ATP10B: variants seen among roughly 807,000 people sequenced by gnomAD.
ATP10B encodes ATPase phospholipid transporting 10B (putative), also known as phospholipid-transporting ATPase VB.
A neutral mutation model predicts 141.2 loss-of-function variants in ATP10B; 122 were observed. The observed-to-expected ratio is 0.86, with a 90% CI of 0.75 to 1.00. ATP10B has a LOEUF of 1.00. ATP10B is among the 50% of genes least tolerant of loss of function. The probability of loss-of-function intolerance (pLI) is 0.00; values close to 1 mark genes in which losing one functional copy is unlikely to be tolerated. For synonymous variants in ATP10B, 685 were observed against 692.0 expected, an observed-to-expected ratio of 0.99 and a Z score of 0.16; for missense variants, 1,876 against 1,825.3, an observed-to-expected ratio of 1.03 and a Z score of -0.51.
chr5:160,573,300 C>T (rs1199750550), intron 24 of ATP10B, among the ~76,000 whole-genome samples: 2 of 152,230 alleles, frequency 1.3e-5, no homozygotes, highest in African/African-American at 4.8e-5. Flanking sequence ...GCTGAATCAG[C>T]TGCTGCACTG....
intron 23 of ATP10B, among the ~76,000 whole-genome samples, chr5:160,590,593 C>A (rs115790212): frequency 6.6e-6 from 1 of 152,178 alleles, no homozygotes; most frequent in Non-Finnish European, 1.5e-5. Context: ...ATCTCATTAT[C>A]GGAACTTGCT....
rs560931001 is a variant in ATP10B, at chr5:160,840,211, T to C, written c.-576+11730A>G. On this transcript the variant is annotated intron_variant, in intron 1 of 25. Transcript: ENST00000327245. ...ATTTATAGATTCACCCAAGAAAATA[T>C]TGACAAGCTTTCTTGTCAAGTTAGA... Among the ~76,000 whole-genome samples the C allele has an allele frequency of 3.9e-5, 6 of 152,122 alleles. No individual in the cohort carries two copies. In the East Asian group the frequency reaches 1.2e-3, roughly 29 times the overall value.
chr5:160,854,019 T>G (rs1321661976), upstream of ATP10B, among the ~76,000 whole-genome samples: 1 of 152,160 alleles, frequency 6.6e-6, no homozygotes, highest in East Asian at 1.9e-4. Context: ...CAGTGTGTCA[T>G]GTCTAGCTTT....
Position 160,606,895 on chromosome 5 carries a change from C to T in ATP10B, c.3030G>A (p.Lys1010=). The T allele has an allele frequency of 1.2e-6, 2 of 1,614,174 alleles. No homozygotes were observed. Among genetic ancestry groups the T allele is most frequent in the Non-Finnish European group, 1.7e-6 (2 of 1,180,020 alleles). ...GKTLNAIFQG[K]LEKKFLELTQ... ...TCAATTCCAGAAACTTCTTCTCTAG[C>T]TTTCCCTGGAAGATGGCATTCAATG... The change falls in exon 19 of 26, where the codon AAG becomes AAA. Residue 1010 remains lysine, a synonymous_variant. Coordinates refer to ENST00000327245, the MANE Select transcript of ATP10B (RefSeq NM_025153.3).
intron 2 of ATP10B, among the ~76,000 whole-genome samples, chr5:160,733,686 C>T (rs954882235): frequency 3.7e-5 from 3 of 81,382 alleles, no homozygotes; most frequent in African/African-American, 1.4e-4. Context: ...TATATATACA[C>T]ACACACATAT....
chr5:160,608,085 C>T (rs773738742), intron 18 of ATP10B, among the ~76,000 whole-genome samples: 2 of 152,150 alleles, frequency 1.3e-5, no homozygotes, highest in East Asian at 3.9e-4. Flanking sequence ...TCCATCCCCC[C>T]ACCCCACGAC....
intron 7 of ATP10B, 80 bp downstream of exon 7, chr5:160,670,382 AG>A: frequency 7.2e-7 from 1 of 1,379,890 alleles, no homozygotes; most frequent in Non-Finnish European, 1.0e-6. Context: ...TCTACCCAGT[AG>A]GTTTAGTTCA....
intron 22 of ATP10B, among the ~76,000 whole-genome samples, chr5:160,596,981 T>C (rs1756740977): frequency 6.6e-6 from 1 of 152,160 alleles, no homozygotes; most frequent in Non-Finnish European, 1.5e-5. Context: ...AGGTAATTTA[T>C]AGATTCAATG....
chr5:160,568,558 T>A (rs1452495116), intron 25 of ATP10B, among the ~76,000 whole-genome samples: 1 of 152,188 alleles, frequency 6.6e-6, no homozygotes, highest in Non-Finnish European at 1.5e-5. Flanking sequence ...CATCATCAAG[T>A]TCACTGCTCT....
At chr5:160,857,975 AC>A in the ATP10B span, among the ~76,000 whole-genome samples, 2 of 151,822 alleles carry the variant, frequency 1.3e-5, no homozygotes, top group African/African-American at 4.8e-5. Context: ...TGAATATTCT[AC>A]TTTTCTTGGG....
intron 2 of ATP10B, among the ~76,000 whole-genome samples, chr5:160,756,717 T>C (rs540115385): frequency 4.6e-5 from 7 of 152,180 alleles, no homozygotes; most frequent in African/African-American, 1.7e-4. Context: ...TGTGGGTACA[T>C]AGTAGGTATA....
chr5:160,683,183 G>T (rs1198314539), intron 6 of ATP10B, among the ~76,000 whole-genome samples: 2 of 152,008 alleles, frequency 1.3e-5, no homozygotes, highest in Admixed American at 1.3e-4. Flanking sequence ...ATATTCAAAG[G>T]CGAGGAACGA....
chr5:160,651,257 A>G (rs1285606201), intron 7 of ATP10B, among the ~76,000 whole-genome samples: 1 of 151,718 alleles, frequency 6.6e-6, no homozygotes, highest in East Asian at 1.9e-4. Flanking sequence ...CAGACCCTCT[A>G]CTCCTTACTT....
the ATP10B span, among the ~76,000 whole-genome samples, chr5:160,872,349 T>C: frequency 6.6e-6 from 1 of 152,240 alleles, no homozygotes; most frequent in South Asian, 2.1e-4. Context: ...CTGCTGACTG[T>C]TCCTTTTGCC....
At chr5:160,758,896 A>G (rs1399611400) in intron 2 of ATP10B, among the ~76,000 whole-genome samples, 1 of 152,224 alleles carries the variant, frequency 6.6e-6, no homozygotes, top group East Asian at 1.9e-4. Flanking sequence ...ACAGCTATCA[A>G]TAATGTAACA....
At chr5:160,843,573 A>C (rs192835217) in intron 1 of ATP10B, among the ~76,000 whole-genome samples, 49 of 152,270 alleles carry the variant, frequency 3.2e-4, no homozygotes, top group African/African-American at 1.1e-3. Flanking sequence ...TGCAACTTAA[A>C]AGGAACTGAA....
intron 1 of ATP10B, among the ~76,000 whole-genome samples, chr5:160,839,824 G>A (rs9313859): frequency 0.032 from 4,830 of 152,112 alleles, 267 homozygotes; most frequent in African/African-American, 0.11. Context: ...AAACAATAAG[G>A]AAGTAGGAAC....
intron 2 of ATP10B, among the ~76,000 whole-genome samples, chr5:160,781,792 G>T (rs1770737491): frequency 6.6e-6 from 1 of 152,084 alleles, no homozygotes; most frequent in Non-Finnish European, 1.5e-5. Flanking sequence ...AAAAATGGAA[G>T]TAAAATATAA....
intron 11 of ATP10B, among the ~76,000 whole-genome samples, chr5:160,635,304 C>T (rs1055994343): frequency 4.6e-5 from 7 of 151,428 alleles, no homozygotes; most frequent in African/African-American, 1.2e-4. Flanking sequence ...GTGGGGGTGG[C>T]GTTTGGGGAG....
Sources: gnomAD v4.1 joint callset for allele counts (sites outside exome capture counted in the v4.1 genomes callset) on GRCh38, gnomAD v4.1.1 for gene constraint, MANE v1.5 for transcripts, NCBI Gene and HGNC (gene_info 2026-07-23, HGNC 2026-07-21) for gene names.